The following LMNA variants were observed in gnomAD, a reference collection of about 807,000 sequenced individuals.
The protein encoded by LMNA is lamin A/C.
In LMNA, 20 loss-of-function variants were observed where a neutral mutation model predicts 70.4. The ratio of observed to expected loss-of-function variants is 0.28; its 90% CI spans 0.20 to 0.41. The LOEUF is 0.41. Among genes scored for constraint, LMNA ranks in the 10% least tolerant of loss-of-function variants. LMNA has a pLI of 1.00. For missense variants in LMNA, 652 were observed against 917.2 expected (o/e 0.71, Z 3.73); for synonymous variants, 339 against 372.8 (o/e 0.91, Z 1.04).
At chr1:156,116,102 G>A (rs539609560) in intron 1 of LMNA, among the ~76,000 whole-genome samples, 10 of 152,208 alleles carry the variant, frequency 6.6e-5, no homozygotes, top group African/African-American at 1.7e-4. Context: ...AGGTCTGGCC[G>A]CACTCCTCCC....
chr1:156,123,395 G>C (rs1164347430), intron 1 of LMNA: 1 of 152,182 alleles, frequency 6.6e-6, no homozygotes, highest in Non-Finnish European at 1.5e-5. Context: ...AGACTGCCTA[G>C]GTCCTCCCTC....
intron 1 of LMNA, among the ~76,000 whole-genome samples, chr1:156,117,563 C>G (rs1649922402): frequency 1.3e-5 from 2 of 151,726 alleles, no homozygotes; most frequent in African/African-American, 4.8e-5. Context: ...GGGTTTCACT[C>G]TGTTACCCAG....
At chr1:156,139,015 A>C in intron 11 of LMNA, 65 bp from the exon 12 acceptor site, 1 of 1,548,692 alleles carries the variant, frequency 6.5e-7, no homozygotes, top group Non-Finnish European at 8.9e-7. Context: ...TCTAGGGGCC[A>C]GGGGAGGGAG....
At chr1:156,125,717 G>T (rs1225925607) in intron 1 of LMNA, among the ~76,000 whole-genome samples, 1 of 151,200 alleles carries the variant, frequency 6.6e-6, no homozygotes, top group South Asian at 2.1e-4. Flanking sequence ...GGCTGGGCGC[G>T]GTGGCTCATG....
chr1:156,134,993 G>A lies in LMNA; in HGVS notation c.810+18G>A. 1 of 1,614,068 alleles carries A rather than the reference G, an allele frequency of 6.2e-7. No homozygotes were observed. The highest frequency in any genetic ancestry group is 8.5e-7 in the Non-Finnish European group (1 of 1,180,018). On this transcript the variant is annotated intron_variant, in intron 4 of 11. Coordinates refer to ENST00000368300, the MANE Select transcript of LMNA (RefSeq NM_170707.4). The surrounding 1 kb of genome is among the most constrained non-coding windows in gnomAD (Gnocchi z 5.3). ...CTGCCAAGGTGCTTGCTCTCGATTG[G>A]TTCCCTCACTGCCTCTGCCCTTGGC... is the stretch of plus-strand genomic sequence containing the variant.
Position 156,124,660 on chromosome 1 carries a change from A to C in LMNA, c.357-5957A>C, listed in dbSNP as rs547108333. Among the ~76,000 whole-genome samples, 3 of 152,282 alleles carry C rather than the reference A, an allele frequency of 2.0e-5. No individual in the cohort carries two copies. The South Asian group carries it at 6.2e-4, about 32-fold the overall frequency. On this transcript the variant is annotated intron_variant, in intron 1 of 11. Coordinates refer to ENST00000368300, the MANE Select transcript of LMNA (RefSeq NM_170707.4). ...AATGCCAGGGAGGGGAATTCTCCAC[A>C]TCCTGCCCTTACCCGAGTTGTGGCA...
At chr1:156,099,134 C>T (rs959872407) in intron 3 of LMNA, among the ~76,000 whole-genome samples, 3 of 152,154 alleles carry the variant, frequency 2.0e-5, no homozygotes, top group Non-Finnish European at 4.4e-5. Context: ...CAGCCCCTTC[C>T]TTCCCTTTGA....
intron 3 of LMNA, among the ~76,000 whole-genome samples, chr1:156,097,499 G>A (rs952351827): frequency 6.6e-6 from 1 of 152,242 alleles, no homozygotes; most frequent in Non-Finnish European, 1.5e-5. Context: ...GCTCACAACA[G>A]TCCTATGGAA....
In LMNA at chr1:156,120,662, A is replaced by G. The variant is rs1203843273; in HGVS notation, c.356+5388A>G. On this transcript the variant is annotated intron_variant, in intron 1 of 11. Transcript: ENST00000368300. ...CAGGAGTTTGAGGCTATTGTGAGCT[A>G]TGACTGCACTACTGCACTCTAGCCT... Among the ~76,000 whole-genome samples the G allele has an allele frequency of 3.3e-5, 5 of 152,288 alleles. No homozygotes were observed. The East Asian group carries it at 5.8e-4, about 18-fold the overall frequency.
At chr1:156,087,477 G>A (rs1188337204) in intron 2 of LMNA, among the ~76,000 whole-genome samples, 2 of 151,972 alleles carry the variant, frequency 1.3e-5, no homozygotes, top group African/African-American at 2.4e-5. Flanking sequence ...TCCTGACCTT[G>A]TGATCCACCC....
chr1:156,120,129 C>T (rs610918), intron 1 of LMNA, among the ~76,000 whole-genome samples: 16,783 of 152,176 alleles, frequency 0.11, 1,757 homozygotes, highest in African/African-American at 0.27. Flanking sequence ...CTGGATTGCC[C>T]ACTGTTGCAG....
rs1388691107 is a variant in LMNA, at chr1:156,137,597, T to G, written c.1609-57T>G. ...TTGCAGGTGGTCACTGGGGTAGACA[T>G]GCTGTACAACCCTTCCCTGGCCCTG... On this transcript the variant is annotated intron_variant, in intron 9 of 11. Transcript: ENST00000368300. This position sits in a 1 kb window ranked among gnomAD's most constrained non-coding sequence, Gnocchi z 4.6. 1 of 1,455,020 alleles carries G rather than the reference T, an allele frequency of 6.9e-7. No individual in the cohort carries two copies. Among genetic ancestry groups the G allele is most frequent in the East Asian group, 2.5e-5 (1 of 40,566 alleles). 90.1% of individuals were successfully genotyped at this position (1,455,020 alleles called of 1,614,324 possible).
chr1:156,126,351 C>A (rs1341820496), intron 1 of LMNA: 5 of 799,850 alleles, frequency 6.3e-6, no homozygotes, highest in Non-Finnish European at 9.6e-6. Flanking sequence ...CTTGCTTCTC[C>A]CCCAGATTGG....
In LMNA at chr1:156,139,141, C is replaced by T. The variant is rs1262018850; in HGVS notation, c.*35C>T. 13 of 1,613,142 alleles carry T rather than the reference C, an allele frequency of 8.1e-6. No individual in the cohort carries two copies. The highest frequency in any genetic ancestry group is 5.3e-5 in the African/African-American group (4 of 74,886). On this transcript the variant is annotated 3_prime_UTR_variant, in exon 12 of 12. Coordinates refer to ENST00000368300, the MANE Select transcript of LMNA (RefSeq NM_170707.4). Reference sequence around the variant, plus strand: ...TGCCAGGCAGGGGTGGGGGTGGAGGCTTCCTGCGTCCTCCTCACCTCATGC... The same window carrying T: ...TGCCAGGCAGGGGTGGGGGTGGAGGTTTCCTGCGTCCTCCTCACCTCATGC...
intron 1 of LMNA, among the ~76,000 whole-genome samples, chr1:156,123,619 G>C (rs539750397): frequency 5.8e-4 from 88 of 152,150 alleles, no homozygotes; most frequent in African/African-American, 2.0e-3. Context: ...CCTCCTCCAG[G>C]CACTACTTCT....
At chr1:156,119,619 G>C (rs1650060536) in intron 1 of LMNA, among the ~76,000 whole-genome samples, 1 of 152,230 alleles carries the variant, frequency 6.6e-6, no homozygotes. Flanking sequence ...GGATACCCAA[G>C]TGCAGGCAGA....
chr1:156,089,973 C>T (rs1029074186), intron 2 of LMNA, among the ~76,000 whole-genome samples: 6 of 151,614 alleles, frequency 4.0e-5, no homozygotes, highest in Middle Eastern at 3.2e-3. Flanking sequence ...CACCCAGTGG[C>T]GCCAGCTCTG....
intron 2 of LMNA, among the ~76,000 whole-genome samples, chr1:156,089,599 A>AC (rs1648615215): frequency 8.8e-6 from 1 of 113,164 alleles, no homozygotes; most frequent in Non-Finnish European, 1.8e-5. Context: ...GTCTAAAAAA[A>AC]AAAAAGAAAG....
At position 156,103,347 on chromosome 1, in the gene LMNA, C is replaced by T. The variant is rs1447180568; in HGVS notation, c.-206-11366C>T. The stretch of plus-strand genomic sequence containing the variant: ...AAGTCTTGCAGAGGAGGGTCCTCAT[C>T]CTAATGAGGCCGCCAAGGAAGAGGG... On this transcript the variant is annotated intron_variant, in intron 3 of 12. Transcript: ENST00000368301. The surrounding 1 kb of genome is among the most constrained non-coding windows in gnomAD (Gnocchi z 4.7). 6.6e-6 allele frequency among the ~76,000 whole-genome samples: 1 copy of T among 152,166 alleles called. No homozygotes were observed. Among genetic ancestry groups the T allele is most frequent in the Non-Finnish European group, 1.5e-5 (1 of 68,028 alleles).
Sources: gnomAD v4.1 joint callset for allele counts (sites outside exome capture counted in the v4.1 genomes callset) on GRCh38, gnomAD v4.1.1 for gene constraint, Gnocchi (gnomAD v3.1) non-coding constraint, MANE v1.5 for transcripts, NCBI Gene and HGNC (gene_info 2026-07-23, HGNC 2026-07-21) for gene names.